SH3PXD2A: variants seen among roughly 807,000 people sequenced by gnomAD.
The protein encoded by SH3PXD2A is SH3 and PX domain-containing protein 2A.
A neutral mutation model predicts 115.2 loss-of-function variants in SH3PXD2A; 32 were observed. That is an observed-to-expected ratio of 0.28 (90% CI 0.21 to 0.37). The LOEUF (loss-of-function observed/expected upper bound fraction) is 0.37, where lower values mean the gene tolerates loss of function less well. Ranked by LOEUF, SH3PXD2A falls within the 10% of genes least tolerant of loss-of-function variation. The pLI is 1.00. For synonymous variants in SH3PXD2A, 610 were observed against 629.1 expected (o/e 0.97, Z 0.45); for missense variants, 1,328 against 1,498.7 (o/e 0.89, Z 1.88).
intron 9 of SH3PXD2A, 120 bp from the exon 10 acceptor site, chr10:103,622,673 C>G (rs2036625318): frequency 7.4e-6 from 5 of 676,150 alleles, no homozygotes; most frequent in Non-Finnish European, 1.3e-5. Context: ...GCCCACACTT[C>G]CAGTCACCAT....
intron 6 of SH3PXD2A, among the ~76,000 whole-genome samples, chr10:103,682,222 C>T (rs1014569157): frequency 3.9e-5 from 6 of 152,212 alleles, no homozygotes; most frequent in Non-Finnish European, 7.3e-5. Flanking sequence ...CTCCCCGCTC[C>T]GCCTTGCTCT....
At chr10:103,686,541 C>T (rs957765957) in intron 6 of SH3PXD2A, among the ~76,000 whole-genome samples, 3 of 152,160 alleles carry the variant, frequency 2.0e-5, no homozygotes, top group South Asian at 4.1e-4. Flanking sequence ...CTAACAACAA[C>T]AGGCCCTTCC....
intron 8 of SH3PXD2A, among the ~76,000 whole-genome samples, chr10:103,633,727 CAAAAAAAAA>C (rs35917262): frequency 1.3e-4 from 10 of 74,354 alleles, no homozygotes; most frequent in African/African-American, 2.6e-4. Context: ...GATTCTGTCT[CAAAAAAAAA>C]AAAAAAAAAA....
chr10:103,807,566 G>T (rs1474490179), intron 1 of SH3PXD2A, among the ~76,000 whole-genome samples: 1 of 152,212 alleles, frequency 6.6e-6, no homozygotes, highest in Admixed American at 6.5e-5. Context: ...CCCAGTGGTT[G>T]CCTGGTCAAG....
chr10:103,771,762 CACACACACACACACACACAG>C (rs1402439636), intron 2 of SH3PXD2A, among the ~76,000 whole-genome samples: 2 of 151,752 alleles, frequency 1.3e-5, no homozygotes, highest in African/African-American at 4.8e-5. Flanking sequence ...CACACACACA[CACACACACACACACACACAG>C]ACACACACAT....
intron 4 of SH3PXD2A, among the ~76,000 whole-genome samples, chr10:103,725,989 CG>C (rs2038236708): frequency 6.6e-6 from 1 of 152,236 alleles, no homozygotes; most frequent in East Asian, 1.9e-4. Flanking sequence ...AGGGTGAGGC[CG>C]GGTGTAGCCC....
intron 2 of SH3PXD2A, among the ~76,000 whole-genome samples, chr10:103,769,987 G>C (rs966336433): frequency 6.6e-6 from 1 of 151,916 alleles, no homozygotes; most frequent in East Asian, 1.9e-4. Context: ...ATTACACTAC[G>C]ACATAAGGAA....
At chr10:103,740,664 G>T (rs1033774431) in intron 3 of SH3PXD2A, among the ~76,000 whole-genome samples, 4 of 152,220 alleles carry the variant, frequency 2.6e-5, no homozygotes, top group African/African-American at 7.2e-5. Flanking sequence ...ACCTCTTCTG[G>T]TCTGAGCAGG....
intron 2 of SH3PXD2A, among the ~76,000 whole-genome samples, chr10:103,785,376 G>T (rs969569881): frequency 4.6e-5 from 7 of 152,182 alleles, no homozygotes; most frequent in African/African-American, 1.7e-4. Context: ...ATAAGGGGAA[G>T]AGCTGGCCCA....
At chr10:103,731,724 G>C (rs1049928366) in intron 4 of SH3PXD2A, among the ~76,000 whole-genome samples, 26 of 152,186 alleles carry the variant, frequency 1.7e-4, no homozygotes, top group Non-Finnish European at 3.1e-4. Flanking sequence ...CTCCTCAAGG[G>C]GAGAGCCAAT....
At chr10:103,665,000 G>T (rs1257740966) in intron 7 of SH3PXD2A, among the ~76,000 whole-genome samples, 1 of 152,140 alleles carries the variant, frequency 6.6e-6, no homozygotes, top group African/African-American at 2.4e-5. Context: ...GTTGACTCTT[G>T]CCACCTCTAC....
chr10:103,821,818 C>T (rs1013619981), intron 1 of SH3PXD2A, among the ~76,000 whole-genome samples: 4 of 152,148 alleles, frequency 2.6e-5, no homozygotes, highest in East Asian at 1.9e-4. Flanking sequence ...CCTCTTGCCT[C>T]GGCCTCCCAA....
chr10:103,811,750 G>A (rs2039273245), intron 1 of SH3PXD2A, among the ~76,000 whole-genome samples: 1 of 152,146 alleles, frequency 6.6e-6, no homozygotes, highest in Non-Finnish European at 1.5e-5. Context: ...AGGTGGCTAG[G>A]GATCCTTGCG....
intron 6 of SH3PXD2A, among the ~76,000 whole-genome samples, chr10:103,685,337 C>CA (rs775424414): frequency 0.33 from 18,785 of 56,084 alleles, 3,075 homozygotes; most frequent in East Asian, 0.46. Flanking sequence ...AACTCTGTCT[C>CA]AAAAAAAAAA....
rs558690570 is a variant in SH3PXD2A, at chr10:103,714,790, C to T, written c.398+9480G>A. ...GCAGGGGGCTGCAAGGACAGTGTGG[C>T]CCACGTCCCTGGCCAGATGGGTGGT... is the stretch of plus-strand genomic sequence containing the variant. On this transcript the variant is annotated intron_variant, in intron 5 of 14. Transcript: ENST00000369774. Among the ~76,000 whole-genome samples, 127 of 152,370 alleles carry T rather than the reference C, an allele frequency of 8.3e-4. 1 individual carries two copies. Among genetic ancestry groups the T allele is most frequent in the African/African-American group, 2.9e-3 (120 of 41,592 alleles).
chr10:103,796,748 C>T (rs1279461420), intron 2 of SH3PXD2A, among the ~76,000 whole-genome samples: 1 of 152,048 alleles, frequency 6.6e-6, no homozygotes, highest in African/African-American at 2.4e-5. Context: ...CAGGCTGGGG[C>T]TCCCAGATTT....
chr10:103,754,471 C>T (rs1217987010), intron 3 of SH3PXD2A: 1 of 152,182 alleles, frequency 6.6e-6, no homozygotes, highest in Non-Finnish European at 1.5e-5. Context: ...TTTAGACGTT[C>T]TCATGCCACC....
chr10:103,613,215 A>G, intron 11 of SH3PXD2A, 25 bp from the exon 12 acceptor site: 1 of 1,542,468 alleles, frequency 6.5e-7, no homozygotes, highest in Non-Finnish European at 8.8e-7. Context: ...AGGATGTGCT[A>G]TCATTAGAGC....
At chr10:103,749,198 G>A (rs1589439905) in intron 3 of SH3PXD2A, among the ~76,000 whole-genome samples, 2 of 152,080 alleles carry the variant, frequency 1.3e-5, no homozygotes, top group Non-Finnish European at 2.9e-5. Flanking sequence ...TCAGGAGCTC[G>A]GGGAGCAGCC....
Sources: allele counts gnomAD v4.1 joint callset (sites outside exome capture counted in the v4.1 genomes callset), GRCh38; gene constraint gnomAD v4.1.1; transcripts MANE v1.5; gene names NCBI Gene and HGNC (gene_info 2026-07-23, HGNC 2026-07-21).